PHACTR2: variants seen among roughly 807,000 people sequenced by gnomAD.
PHACTR2 encodes chromosome 6 open reading frame 56.
PHACTR2 carries 30 observed loss-of-function variants against 76.0 expected under a neutral mutation model. The observed-to-expected ratio is 0.39, with a 90% confidence interval of 0.30 to 0.54. The LOEUF is 0.54. Among genes scored for constraint, PHACTR2 ranks in the 20% least tolerant of loss-of-function variants. PHACTR2 has a pLI of 0.61. For synonymous variants in PHACTR2, 292 were observed against 292.5 expected (o/e 1.00, Z 0.02); for missense variants, 696 against 781.1 (o/e 0.89, Z 1.30).
chr6:143,697,973 CA>C lies in PHACTR2; in HGVS notation c.47-14041del, dbSNP rs2128457685. ...TTTTTTTAACCTACTCACTTAATAA[CA>C]ACAACAATTAAAAATCATTTTTATG... On this transcript the variant is annotated intron_variant, in intron 1 of 12. Coordinates refer to ENST00000440869, the MANE Select transcript of PHACTR2 (RefSeq NM_001100164.2). This position sits in a 1 kb window ranked among gnomAD's most constrained non-coding sequence, Gnocchi z 4.4. Among the ~76,000 whole-genome samples the C allele has an allele frequency of 6.7e-6, 1 of 149,636 alleles. No individual in the cohort carries two copies. The highest frequency in any genetic ancestry group is 1.5e-5 in the Non-Finnish European group (1 of 67,962).
rs114031704 is a variant in PHACTR2, at chr6:143,617,499, G to A, written c.13+9177G>A. Among the ~76,000 whole-genome samples the A allele has an allele frequency of 3.3e-3, 496 of 152,250 alleles. 3 individuals are homozygous for A. The highest frequency in any genetic ancestry group is 0.012 in the African/African-American group (484 of 41,546). On this transcript the variant is annotated intron_variant, in intron 1 of 11. Coordinates refer to the PHACTR2 transcript ENST00000305766. This position sits in a 1 kb window ranked among gnomAD's most constrained non-coding sequence, Gnocchi z 4.8. Reference sequence around the variant, plus strand: ...GCCCCACCCTAGACAAATTCAGTCCGGGACTTTGGAGTGGGGTCAGGACAT... The same window carrying A: ...GCCCCACCCTAGACAAATTCAGTCCAGGACTTTGGAGTGGGGTCAGGACAT...
rs1275644987 is a variant in PHACTR2, at chr6:143,698,683, A to C, written c.47-13333A>C. 6.6e-6 allele frequency among the ~76,000 whole-genome samples: 1 copy of C among 152,200 alleles called. No homozygotes were observed. Among genetic ancestry groups the C allele is most frequent in the East Asian group, 1.9e-4 (1 of 5,194 alleles). ...CCTACTCACTACACACTGCAGGTCT[A>C]CGTTTGGGTGGATGGTTGTTTGACT... On this transcript the variant is annotated intron_variant, in intron 1 of 12. Coordinates refer to ENST00000440869, the MANE Select transcript of PHACTR2 (RefSeq NM_001100164.2). The surrounding 1 kb of genome is among the most constrained non-coding windows in gnomAD (Gnocchi z 4.3).
rs1279025814 is a variant in PHACTR2 at position 143,549,909 on chromosome 6, A to C, written c.217+12702A>C. 2.0e-5 allele frequency among the ~76,000 whole-genome samples: 3 copies of C among 151,910 alleles called. No individual in the cohort carries two copies. Among genetic ancestry groups the C allele is most frequent in the African/African-American group, 7.2e-5 (3 of 41,388 alleles). On this transcript the variant is annotated intron_variant, in intron 1 of 11. Coordinates refer to the PHACTR2 transcript ENST00000367584. This position sits in a 1 kb window ranked among gnomAD's most constrained non-coding sequence, Gnocchi z 4.2. Reference sequence around the variant, plus strand: ...TAGGTTGTGGTTTTCAGCCATGATCACTTTGCTGCACTGTTAATAGACAAT... The same window carrying C: ...TAGGTTGTGGTTTTCAGCCATGATCCCTTTGCTGCACTGTTAATAGACAAT...
At position 143,678,021 on chromosome 6, in the gene PHACTR2, G is replaced by C; in HGVS notation, c.-143G>C. ...CGGCCGGCCGGGCTGGGAGACCCGCGCGGGGTAGAAGGTGAGGGGACCCGG... is the reference window on the plus strand; with the variant it reads ...CGGCCGGCCGGGCTGGGAGACCCGCCCGGGGTAGAAGGTGAGGGGACCCGG... On this transcript the variant is annotated 5_prime_UTR_variant, in exon 1 of 13. Coordinates refer to ENST00000440869, the MANE Select transcript of PHACTR2 (RefSeq NM_001100164.2). The surrounding 1 kb of genome is among the most constrained non-coding windows in gnomAD (Gnocchi z 6.2). 1 of 1,485,354 alleles carries C rather than the reference G, an allele frequency of 6.7e-7. No individual in the cohort carries two copies. The highest frequency in any genetic ancestry group is 1.3e-5 in the South Asian group (1 of 79,030). The allele number at this position is 1,485,354 out of a possible 1,614,324, so 92.0% of individuals were successfully genotyped here. A position where few individuals can be genotyped will look rare whatever the true frequency, so the allele number is the denominator to read the frequency against.
intron 3 of PHACTR2, among the ~76,000 whole-genome samples, 182 bp downstream of exon 3, chr6:143,749,247 T>A (rs551063921): frequency 6.6e-6 from 1 of 152,346 alleles, no homozygotes; most frequent in East Asian, 1.9e-4. Context: ...TGAAATATTA[T>A]AGAATTCTAG....
chr6:143,788,740 C>T, intron 10 of PHACTR2, 33 bp from the exon 11 acceptor site: 1 of 1,582,246 alleles, frequency 6.3e-7, no homozygotes, highest in Non-Finnish European at 8.6e-7. Context: ...AAGTGGTTTA[C>T]TGAACTCTGC....
chr6:143,578,530 TG>T lies in PHACTR2; in HGVS notation c.217+41326del, dbSNP rs1775537381. Among the ~76,000 whole-genome samples, 1 of 152,052 alleles carries T rather than the reference TG, an allele frequency of 6.6e-6. No homozygotes were observed. Among genetic ancestry groups the T allele is most frequent in the Non-Finnish European group, 1.5e-5 (1 of 68,018 alleles). Reference sequence around the variant, plus strand: ...GCAGCCCATACCCTGCTTGCCAAGCTGGGTACAAAATCACTCCTGCCAACAA... The same window carrying T: ...GCAGCCCATACCCTGCTTGCCAAGCTGGTACAAAATCACTCCTGCCAACAA... On this transcript the variant is annotated intron_variant, in intron 1 of 11. Coordinates refer to the PHACTR2 transcript ENST00000367584. The surrounding 1 kb of genome is among the most constrained non-coding windows in gnomAD (Gnocchi z 4.5).
At chr6:143,719,190 G>T (rs1778380248) in intron 2 of PHACTR2, among the ~76,000 whole-genome samples, 1 of 148,418 alleles carries the variant, frequency 6.7e-6, no homozygotes, top group South Asian at 2.2e-4. Flanking sequence ...GCCTAGAAGT[G>T]CTTTTATTTA....
Position 143,591,062 on chromosome 6 carries a change from T to C in PHACTR2, c.217+53855T>C, listed in dbSNP as rs1228579065. On this transcript the variant is annotated intron_variant, in intron 1 of 11. Coordinates refer to the PHACTR2 transcript ENST00000367584. This position sits in a 1 kb window ranked among gnomAD's most constrained non-coding sequence, Gnocchi z 6.4. ...TACAGCATTTCTTATGATAATTTTA[T>C]GTAAGTATTTGAGACAATATTTTGA... is the stretch of plus-strand genomic sequence containing the variant. Among the ~76,000 whole-genome samples the C allele has an allele frequency of 6.6e-6, 1 of 152,254 alleles. No individual in the cohort carries two copies. The highest frequency in any genetic ancestry group is 1.5e-5 in the Non-Finnish European group (1 of 68,052).
rs1403328438 is a variant in PHACTR2 at position 143,803,836 on chromosome 6, G to A, written c.1846-3221G>A. On this transcript the variant is annotated intron_variant, in intron 11 of 12. Transcript: ENST00000440869. The surrounding 1 kb of genome is among the most constrained non-coding windows in gnomAD (Gnocchi z 4.7). ...GTTTCCAAAGTCGATATACTAGAGCGTTGCGAAAATAAAAGCAAGATATTT... is the reference window on the plus strand; with the variant it reads ...GTTTCCAAAGTCGATATACTAGAGCATTGCGAAAATAAAAGCAAGATATTT... 1.3e-5 allele frequency among the ~76,000 whole-genome samples: 2 copies of A among 152,140 alleles called. No individual in the cohort carries two copies. Among genetic ancestry groups the A allele is most frequent in the Non-Finnish European group, 2.9e-5 (2 of 68,016 alleles).
At chr6:143,714,062 A>G (rs1778246217) in intron 2 of PHACTR2, among the ~76,000 whole-genome samples, 1 of 152,240 alleles carries the variant, frequency 6.6e-6, no homozygotes, top group Admixed American at 6.5e-5. Flanking sequence ...AAAAACCGCA[A>G]TTACTTTTGC....
chr6:143,616,652 C>T lies in PHACTR2; in HGVS notation c.13+8330C>T, dbSNP rs1776062763. 6.6e-6 allele frequency among the ~76,000 whole-genome samples: 1 copy of T among 152,106 alleles called. No homozygotes were observed. Among genetic ancestry groups the T allele is most frequent in the Admixed American group, 6.5e-5 (1 of 15,280 alleles). On this transcript the variant is annotated intron_variant, in intron 1 of 11. Coordinates refer to the PHACTR2 transcript ENST00000305766. The surrounding 1 kb of genome is among the most constrained non-coding windows in gnomAD (Gnocchi z 4.9). ...CGGAGCTTCTGTCAGCATGCTCCTT[C>T]CTTCTAGTAGAGAAAGCAAAATTAG...
intron 3 of PHACTR2, among the ~76,000 whole-genome samples, chr6:143,749,872 G>A (rs1363858073): frequency 2.6e-5 from 4 of 152,092 alleles, no homozygotes; most frequent in African/African-American, 9.7e-5. Context: ...CAATTTTGTT[G>A]ATTAAGCTCA....
chr6:143,756,399 T>C (rs1204374663), intron 4 of PHACTR2, among the ~76,000 whole-genome samples: 2 of 151,974 alleles, frequency 1.3e-5, no homozygotes, highest in Non-Finnish European at 2.9e-5. Flanking sequence ...CCTTTATATA[T>C]ATAAGAGCAG....
chr6:143,757,316 G>A lies in PHACTR2; in HGVS notation c.455-3085G>A, dbSNP rs376613963. Among the ~76,000 whole-genome samples the A allele has an allele frequency of 2.0e-5, 3 of 152,310 alleles. No homozygotes were observed. Among genetic ancestry groups the A allele is most frequent in the Admixed American group, 6.5e-5 (1 of 15,306 alleles). ...AACGGGCAATTGTAGTGCAAGATGCGAAGTACCGTAGAAGGCCTGAGCACA... is the reference window on the plus strand; with the variant it reads ...AACGGGCAATTGTAGTGCAAGATGCAAAGTACCGTAGAAGGCCTGAGCACA... On this transcript the variant is annotated intron_variant, in intron 4 of 12. Transcript: ENST00000440869. This position sits in a 1 kb window ranked among gnomAD's most constrained non-coding sequence, Gnocchi z 4.2.
Position 143,539,273 on chromosome 6 carries a change from C to T in PHACTR2, c.217+2066C>T, listed in dbSNP as rs1360358435. Among the ~76,000 whole-genome samples, 2 of 152,154 alleles carry T rather than the reference C, an allele frequency of 1.3e-5. No individual in the cohort carries two copies. The highest frequency in any genetic ancestry group is 2.9e-5 in the Non-Finnish European group (2 of 68,032). On this transcript the variant is annotated intron_variant, in intron 1 of 11. Coordinates refer to the PHACTR2 transcript ENST00000367584. The surrounding 1 kb of genome is among the most constrained non-coding windows in gnomAD (Gnocchi z 4.3). ...AGTGAAACCTTTCAGCTCAGTTGTC[C>T]CATGTGCCGCAGGATGCTGGCACAG...
rs1163303297 is a variant in PHACTR2, at chr6:143,742,649, T to A, written c.215-6336T>A. Among the ~76,000 whole-genome samples the A allele has an allele frequency of 2.0e-5, 3 of 152,182 alleles. No homozygotes were observed. Among genetic ancestry groups the A allele is most frequent in the African/African-American group, 7.2e-5 (3 of 41,456 alleles). ...AACATGGACTAAGAGAGGGGGAATG[T>A]GGCTTCCCAAAGGAAAAATGTCAGG... On this transcript the variant is annotated intron_variant, in intron 2 of 12. Coordinates refer to ENST00000440869, the MANE Select transcript of PHACTR2 (RefSeq NM_001100164.2). The surrounding 1 kb of genome is among the most constrained non-coding windows in gnomAD (Gnocchi z 4.5).
rs775921897 is a variant in PHACTR2 at position 143,791,441 on chromosome 6, G to A, written c.1845+2531G>A. ...CCTATAGATCTTTAAGAATGTGGAT[G>A]TCTGGGTCCCATCTCCAGAGATGCT... On this transcript the variant is annotated intron_variant, in intron 11 of 12. Coordinates refer to ENST00000440869, the MANE Select transcript of PHACTR2 (RefSeq NM_001100164.2). This position sits in a 1 kb window ranked among gnomAD's most constrained non-coding sequence, Gnocchi z 4.7. 6.6e-6 allele frequency among the ~76,000 whole-genome samples: 1 copy of A among 152,212 alleles called. No individual in the cohort carries two copies. The highest frequency in any genetic ancestry group is 1.5e-5 in the Non-Finnish European group (1 of 68,034).
chr6:143,563,709 A>C (rs1321264689), intron 1 of PHACTR2, among the ~76,000 whole-genome samples: 2 of 151,800 alleles, frequency 1.3e-5, no homozygotes, highest in East Asian at 3.9e-4. Flanking sequence ...AAATATATTT[A>C]TTCTGGCTGC....
Sources: gnomAD v4.1 joint callset for allele counts (sites outside exome capture counted in the v4.1 genomes callset) on GRCh38, gnomAD v4.1.1 for gene constraint, Gnocchi (gnomAD v3.1) non-coding constraint, MANE v1.5 for transcripts, NCBI Gene and HGNC (gene_info 2026-07-23, HGNC 2026-07-21) for gene names.